DSCAM: variants seen among roughly 807,000 people sequenced by gnomAD.
DSCAM encodes the protein DS cell adhesion molecule.
A neutral mutation model predicts 217.7 loss-of-function variants in DSCAM; 47 were observed. That is an observed-to-expected ratio of 0.22 (90% CI 0.17 to 0.28). The LOEUF (loss-of-function observed/expected upper bound fraction) is 0.28, where lower values mean the gene tolerates loss of function less well. DSCAM is among the 10% of genes least tolerant of loss of function. The pLI, the probability that DSCAM is intolerant of heterozygous loss-of-function variation, is 1.00. For synonymous variants in DSCAM, 1,056 were observed against 1,015.3 expected (o/e 1.04, Z -0.76); for missense variants, 2,080 against 2,618.3 (o/e 0.79, Z 4.49).
At chr21:40,741,015 T>G (rs1237864080) in intron 1 of DSCAM, among the ~76,000 whole-genome samples, 1 of 152,166 alleles carries the variant, frequency 6.6e-6, no homozygotes, top group East Asian at 1.9e-4. Context: ...TTACACTTAC[T>G]CAGAATTTAG....
intron 3 of DSCAM, among the ~76,000 whole-genome samples, chr21:40,692,059 C>T (rs574091262): frequency 9.5e-4 from 144 of 152,362 alleles, no homozygotes; most frequent in South Asian, 2.5e-3. Context: ...TAATCCACAT[C>T]GGAACACAGA....
chr21:40,363,150 G>A (rs950378777), intron 4 of DSCAM, among the ~76,000 whole-genome samples: 6 of 151,784 alleles, frequency 4.0e-5, no homozygotes, highest in Non-Finnish European at 5.9e-5. Flanking sequence ...ATGTTAGAGG[G>A]GCTTGTTGCT....
intron 3 of DSCAM, among the ~76,000 whole-genome samples, chr21:40,691,332 T>C (rs1454659107): frequency 6.6e-6 from 1 of 152,138 alleles, no homozygotes; most frequent in African/African-American, 2.4e-5. Flanking sequence ...GATGACAGGG[T>C]TAAAAGATGG....
intron 32 of DSCAM, among the ~76,000 whole-genome samples, chr21:40,015,019 G>C (rs548367474): frequency 1.3e-5 from 2 of 152,248 alleles, no homozygotes; most frequent in East Asian, 3.9e-4. Context: ...CACTTTCCTT[G>C]ACTGGATCCT....
Position 40,301,506 on chromosome 21 carries a change from C to A in DSCAM, c.2063-5332G>T, listed in dbSNP as rs73371715. 6.2e-3 allele frequency among the ~76,000 whole-genome samples: 869 copies of A among 140,294 alleles called. 5 individuals are homozygous for A. Among genetic ancestry groups the A allele is most frequent in the African/African-American group, 0.024 (823 of 33,886 alleles). The allele number at this position is 140,294 out of a possible 152,430, so 92.0% of individuals were successfully genotyped here. A position where few individuals can be genotyped will look rare whatever the true frequency, so the allele number is the denominator to read the frequency against. On this transcript the variant is annotated intron_variant, in intron 9 of 32. Transcript: ENST00000400454. Reference sequence around the variant, plus strand: ...ATAAGTTCCCATTCACCATTTGCATCTTAGCTTAGCACTCACTCAGTCAGG... The same window carrying A: ...ATAAGTTCCCATTCACCATTTGCATATTAGCTTAGCACTCACTCAGTCAGG...
intron 6 of DSCAM, 82 bp from the exon 7 acceptor site, chr21:40,339,497 G>T: frequency 7.4e-7 from 1 of 1,342,820 alleles, no homozygotes; most frequent in Non-Finnish European, 1.0e-6. Flanking sequence ...CATGTCTAGG[G>T]GGTAAATGTC....
intron 4 of DSCAM, among the ~76,000 whole-genome samples, chr21:40,368,338 C>T (rs1276637847): frequency 6.6e-6 from 1 of 152,018 alleles, no homozygotes; most frequent in African/African-American, 2.4e-5. Context: ...ATTTTTCCCC[C>T]AAAAGACATG....
In DSCAM at chr21:40,134,006, A is replaced by G; in HGVS notation, c.3410T>C (p.Leu1137Pro). 1 of 1,605,826 alleles carries G rather than the reference A, an allele frequency of 6.2e-7. No homozygotes were observed. The change falls in exon 19 of 33, where the codon CTG (leucine) becomes CCG (proline). Residue 1137 changes from leucine to proline, a missense_variant. By Grantham distance (98) the Leu-to-Pro change is moderately conservative. Transcript: ENST00000400454. ...IYWANLMDGE[L>P]GEIKNITTTQ... is the part of the protein sequence containing the mutation. The stretch of plus-strand genomic sequence containing the variant: ...GGTGGTGATGTTTTTAATCTCACCC[A>G]GCTCTGGAGGACAAGAACAAGAAAA...
chr21:40,078,894 C>A lies in DSCAM; in HGVS notation c.4504G>T (p.Gly1502Cys). Residue 1502 changes from glycine (G) to cysteine (C), a missense_variant, in exon 26 of 33, where the codon GGC becomes TGC. This residue lies in a region of DSCAM where 1,144 missense variants were observed against 1,421.1 expected (regional missense o/e 0.81). Transcript: ENST00000400454. ...GTGAAGGAGGTGATGGGGCAGCCGC[C>A]ATCATTCCAGCCAATGAGGTTCAGC... is the stretch of plus-strand genomic sequence containing the variant. The part of the protein sequence containing the change: ...VRLNLIGWND[G>C]GCPITSFTLE... 2 of 1,614,172 alleles carry A rather than the reference C, an allele frequency of 1.2e-6. No individual in the cohort carries two copies. The highest frequency in any genetic ancestry group is 3.3e-4 in the Middle Eastern group (2 of 6,062).
At chr21:40,447,681 GAATAC>G (rs2075685898) in intron 3 of DSCAM, among the ~76,000 whole-genome samples, 1 of 152,150 alleles carries the variant, frequency 6.6e-6, no homozygotes, top group African/African-American at 2.4e-5. Flanking sequence ...TGGCAACTCT[GAATAC>G]AATACATTTG....
chr21:40,807,427 G>A (rs1031003632), intron 1 of DSCAM, among the ~76,000 whole-genome samples: 5 of 151,706 alleles, frequency 3.3e-5, no homozygotes, highest in African/African-American at 1.2e-4. Flanking sequence ...CAAATTGCAG[G>A]TTCATGGTCC....
At chr21:40,240,725 C>A (rs896458974) in intron 11 of DSCAM, among the ~76,000 whole-genome samples, 1 of 152,076 alleles carries the variant, frequency 6.6e-6, no homozygotes, top group African/African-American at 2.4e-5. Context: ...TATTGGATTC[C>A]TCCTCTACAT....
chr21:40,701,238 T>C (rs2090653577), intron 2 of DSCAM, among the ~76,000 whole-genome samples: 1 of 152,206 alleles, frequency 6.6e-6, no homozygotes, highest in Non-Finnish European at 1.5e-5. Flanking sequence ...CTACTTTTCT[T>C]AATGTTCTCT....
chr21:40,610,059 AC>A (rs1321738997), intron 3 of DSCAM, among the ~76,000 whole-genome samples: 17 of 152,138 alleles, frequency 1.1e-4, no homozygotes, highest in Admixed American at 9.2e-4. Flanking sequence ...ACAACCAAAC[AC>A]CTTTAAAACA....
At chr21:40,695,113 C>T (rs1398329145) in intron 2 of DSCAM, among the ~76,000 whole-genome samples, 1 of 152,160 alleles carries the variant, frequency 6.6e-6, no homozygotes, top group Non-Finnish European at 1.5e-5. Flanking sequence ...CTTCCGCAGA[C>T]TCTGCTTCAA....
chr21:40,206,696 A>G (rs1443147626), intron 11 of DSCAM, among the ~76,000 whole-genome samples: 1 of 152,126 alleles, frequency 6.6e-6, no homozygotes, highest in African/African-American at 2.4e-5. Context: ...CAAAAAAAAA[A>G]AAAAATGTTC....
At chr21:40,081,750 T>C (rs1207784749) in intron 24 of DSCAM, among the ~76,000 whole-genome samples, 1 of 152,184 alleles carries the variant, frequency 6.6e-6, no homozygotes, top group Non-Finnish European at 1.5e-5. Flanking sequence ...GCCATCAGTG[T>C]CCATCAGTGT....
chr21:40,673,298 A>G (rs2090298499), intron 3 of DSCAM, among the ~76,000 whole-genome samples: 1 of 151,940 alleles, frequency 6.6e-6, no homozygotes, highest in African/African-American at 2.4e-5. Flanking sequence ...GCCCCCCCCA[A>G]AATACAAAAA....
chr21:40,814,734 G>A (rs1033754911), intron 1 of DSCAM, among the ~76,000 whole-genome samples: 3 of 152,220 alleles, frequency 2.0e-5, no homozygotes, highest in African/African-American at 4.8e-5. Flanking sequence ...GACAATTGCA[G>A]AGGCAGAAAT....
Sources: allele counts gnomAD v4.1 joint callset (sites outside exome capture counted in the v4.1 genomes callset), GRCh38; gene constraint gnomAD v4.1.1; regional missense constraint gnomAD v4.1.1; transcripts MANE v1.5; gene names NCBI Gene and HGNC (gene_info 2026-07-23, HGNC 2026-07-21).